BTRC: variants seen among roughly 807,000 people sequenced by gnomAD.
BTRC encodes beta-transducin repeat containing E3 ubiquitin protein ligase, also known as F-box/WD repeat-containing protein 1A.
Under a neutral mutation model 85.5 loss-of-function variants are expected in BTRC, and 42 were observed. The ratio of observed to expected loss-of-function variants is 0.49; its 90% CI spans 0.38 to 0.64. BTRC has a LOEUF of 0.64. Among genes scored for constraint, BTRC ranks in the 30% least tolerant of loss-of-function variants. The pLI is 0.00. For synonymous variants in BTRC, 255 were observed against 263.3 expected, an observed-to-expected ratio of 0.97 and a Z score of 0.30; for missense variants, 594 against 743.5, an observed-to-expected ratio of 0.80 and a Z score of 2.34.
rs138837616 is a variant in BTRC at position 101,478,588 on chromosome 10, C to G, written c.235-780C>G. On this transcript the variant is annotated intron_variant, in intron 3 of 14. Transcript: ENST00000370187. The stretch of plus-strand genomic sequence containing the variant: ...GGAGGATCACTTGAGCTCAGGAGTT[C>G]AAGACCAGTTTAGGCAACATGGCAA... 3.2e-3 allele frequency among the ~76,000 whole-genome samples: 483 copies of G among 151,198 alleles called. 8 individuals are homozygous for G. The highest frequency in any genetic ancestry group is 3.5e-3 in the East Asian group (18 of 5,116).
In BTRC at chr10:101,521,768, T is replaced by A; in HGVS notation, c.454T>A (p.Phe152Ile). ...EQWSESDQVE[F>I]VEHLISQMCH... ...GTGGTCAGAGTCAGATCAAGTGGAA[T>A]TTGTGGAACATCTTATATCCCAAAT... Residue 152 changes from phenylalanine (F) to isoleucine (I), a missense_variant, in exon 5 of 15, where the codon TTT becomes ATT. By Grantham distance (21) the Phe-to-Ile change is conservative. Around this residue, in one of 4 missense-constraint regions of BTRC, gnomAD observed 163 missense variants for 180.5 expected, o/e 0.90. Coordinates refer to ENST00000370187, the MANE Select transcript of BTRC (RefSeq NM_033637.4). 1 of 1,614,102 alleles carries A rather than the reference T, an allele frequency of 6.2e-7. No homozygotes were observed. Among genetic ancestry groups the A allele is most frequent in the Non-Finnish European group, 8.5e-7 (1 of 1,179,974 alleles).
Position 101,538,279 on chromosome 10 carries a change from T to C in BTRC, c.1578-14T>C. ...GCTTTTAACTAACATTTTTGTCCCCTTTTTGATCTTTAGAAAAATTAAAGT... is the reference window on the plus strand; with the variant it reads ...GCTTTTAACTAACATTTTTGTCCCCCTTTTGATCTTTAGAAAAATTAAAGT... On this transcript the variant is annotated splice_polypyrimidine_tract_variant and intron_variant, in intron 12 of 14. Transcript: ENST00000370187. 6.2e-7 allele frequency: 1 copy of C among 1,611,286 alleles called. No homozygotes were observed. The highest frequency in any genetic ancestry group is 1.1e-5 in the South Asian group (1 of 91,032).
At chr10:101,532,252 A>T (rs557752058) in intron 7 of BTRC, 43 bp from the exon 8 acceptor site, 1 of 1,574,248 alleles carries the variant, frequency 6.4e-7, no homozygotes, top group South Asian at 1.2e-5. Context: ...GTTTGATTCT[A>T]GGTGTTTCCT....
At chr10:101,355,077 A>C (rs1245298754) in intron 1 of BTRC, among the ~76,000 whole-genome samples, 1 of 152,198 alleles carries the variant, frequency 6.6e-6, no homozygotes, top group Non-Finnish European at 1.5e-5. Context: ...ATTGGGGCAA[A>C]ATGAGTATCT....
intron 3 of BTRC, among the ~76,000 whole-genome samples, chr10:101,471,601 G>A (rs1054856921): frequency 2.6e-5 from 4 of 152,162 alleles, no homozygotes; most frequent in Admixed American, 1.3e-4. Context: ...AAATGAATTG[G>A]GAAATCTTCC....
At chr10:101,400,904 C>G (rs960206989) in intron 1 of BTRC, among the ~76,000 whole-genome samples, 5 of 152,136 alleles carry the variant, frequency 3.3e-5, no homozygotes, top group Non-Finnish European at 7.4e-5. Context: ...TCCGTCCCCA[C>G]TATCCTCCAT....
rs199824135 is a variant in BTRC, at chr10:101,536,692, C to T, written c.1577+39C>T. On this transcript the variant is annotated intron_variant, in intron 12 of 14. Coordinates refer to ENST00000370187, the MANE Select transcript of BTRC (RefSeq NM_033637.4). ...CAGAGTGTAAAAAAGAGAAAATCTA[C>T]GTCTTAATCCTTCCTTATGTTTATG... 1.4e-3 allele frequency: 1,960 copies of T among 1,431,002 alleles called. 3 individuals carry two copies. Among genetic ancestry groups the T allele is most frequent in the Non-Finnish European group, 1.8e-3 (1,831 of 1,017,708 alleles). The allele number at this position is 1,431,002 out of a possible 1,614,324, so 88.6% of individuals were successfully genotyped here. A position where few individuals can be genotyped will look rare whatever the true frequency, so the allele number is the denominator to read the frequency against.
chr10:101,531,225 G>C lies in BTRC; in HGVS notation c.744-12G>C. On this transcript the variant is annotated splice_polypyrimidine_tract_variant and intron_variant, in intron 6 of 14. Transcript: ENST00000370187. ...TCATGATTTTCACTGGGAAATATTT[G>C]TTATTTTTTAGGGGACAGTATTTAT... 6.5e-7 allele frequency: 1 copy of C among 1,546,982 alleles called. No individual in the cohort carries two copies. Among genetic ancestry groups the C allele is most frequent in the Non-Finnish European group, 8.9e-7 (1 of 1,125,096 alleles).
intron 1 of BTRC, among the ~76,000 whole-genome samples, chr10:101,375,038 T>C (rs933839760): frequency 6.6e-5 from 10 of 152,104 alleles, no homozygotes; most frequent in Non-Finnish European, 1.5e-5. Context: ...TAGGTGTCTG[T>C]TGGCAACTCA....
chr10:101,417,946 C>T (rs1465304770), intron 1 of BTRC, among the ~76,000 whole-genome samples: 1 of 152,192 alleles, frequency 6.6e-6, no homozygotes, highest in African/African-American at 2.4e-5. Flanking sequence ...TGACCCACCA[C>T]ACTTGTCCCC....
intron 8 of BTRC, 120 bp downstream of exon 8, chr10:101,532,552 G>A: frequency 7.5e-7 from 1 of 1,324,976 alleles, no homozygotes; most frequent in Non-Finnish European, 1.0e-6. Flanking sequence ...ATTTTAGATT[G>A]TTTCCAGTCC....
intron 2 of BTRC, among the ~76,000 whole-genome samples, chr10:101,447,963 A>G (rs1342819466): frequency 6.6e-6 from 1 of 152,186 alleles, no homozygotes; most frequent in Non-Finnish European, 1.5e-5. Flanking sequence ...AAAATTTTCT[A>G]TAATTCAGTG....
chr10:101,534,932 A>C, intron 10 of BTRC, 22 bp downstream of exon 10: 1 of 1,602,352 alleles, frequency 6.2e-7, no homozygotes, highest in Non-Finnish European at 8.5e-7. Flanking sequence ...TTTTTCAGTA[A>C]GTTTCCAACT....
chr10:101,538,353 C>CT lies in BTRC; in HGVS notation c.1639dup (p.Cys547LeufsTer18). On this transcript the variant is annotated frameshift_variant, in exon 13 of 15. Coordinates refer to ENST00000370187, the MANE Select transcript of BTRC (RefSeq NM_033637.4). LOFTEE classifies it high-confidence loss of function. Reference sequence around the variant, plus strand: ...ACCCCCGTGCTCCTGCAGGGACACTCTGTCTACGGACCCTTGTGGTAAGAG... The same window carrying CT: ...ACCCCCGTGCTCCTGCAGGGACACTCTTGTCTACGGACCCTTGTGGTAAGAG... 2 of 1,613,820 alleles carry CT rather than the reference C, an allele frequency of 1.2e-6. No homozygotes were observed. The highest frequency in any genetic ancestry group is 1.7e-6 in the Non-Finnish European group (2 of 1,179,742).
intron 4 of BTRC, among the ~76,000 whole-genome samples, chr10:101,511,648 C>T (rs1044733804): frequency 2.0e-5 from 3 of 152,046 alleles, no homozygotes; most frequent in Admixed American, 6.5e-5. Flanking sequence ...CTCTGCCTCC[C>T]GGGTTCAAGC....
chr10:101,432,636 A>G (rs1944431191), intron 2 of BTRC, among the ~76,000 whole-genome samples: 1 of 152,230 alleles, frequency 6.6e-6, no homozygotes, highest in Admixed American at 6.5e-5. Context: ...AGAGGCCCCC[A>G]CAACCACTCT....
At chr10:101,487,501 T>C (rs1291190659) in intron 4 of BTRC, among the ~76,000 whole-genome samples, 1 of 152,240 alleles carries the variant, frequency 6.6e-6, no homozygotes, top group African/African-American at 2.4e-5. Context: ...GTTTAACTAA[T>C]GGCTGATTTT....
intron 6 of BTRC, among the ~76,000 whole-genome samples, chr10:101,529,564 C>T (rs1300915295): frequency 6.6e-6 from 1 of 152,136 alleles, no homozygotes; most frequent in Non-Finnish European, 1.5e-5. Flanking sequence ...GAGAAATGTA[C>T]CATTAATCTG....
chr10:101,525,507 T>C (rs2062176973), intron 5 of BTRC, among the ~76,000 whole-genome samples: 1 of 152,194 alleles, frequency 6.6e-6, no homozygotes, highest in East Asian at 1.9e-4. Context: ...ATGCCCAAAA[T>C]TCTATAACCC....
Sources: gnomAD v4.1 joint callset for allele counts (sites outside exome capture counted in the v4.1 genomes callset) on GRCh38, gnomAD v4.1.1 for gene constraint, gnomAD v4.1.1 regional missense constraint, MANE v1.5 for transcripts, NCBI Gene and HGNC (gene_info 2026-07-23, HGNC 2026-07-21) for gene names.